Variants in VPS13C observed in about 807,000 individuals in gnomAD.
The protein encoded by VPS13C is intermembrane lipid transfer protein VPS13C.
Under a neutral mutation model 456.8 loss-of-function variants are expected in VPS13C, and 358 were observed. That is an observed-to-expected ratio of 0.78 (90% confidence interval 0.72 to 0.86). The LOEUF is 0.86. Ranked by LOEUF, VPS13C falls within the 40% of genes least tolerant of loss-of-function variation. VPS13C has a pLI of 0.00. For missense variants in VPS13C, 4,818 were observed against 4,385.4 expected, an observed-to-expected ratio of 1.10 and a Z score of -2.79; for synonymous variants, 1,578 against 1,486.7, an observed-to-expected ratio of 1.06 and a Z score of -1.41.
Position 61,918,164 on chromosome 15 carries a change from C to G in VPS13C, c.7732G>C (p.Glu2578Gln). The change falls in exon 59 of 85, where the codon GAG (glutamate) becomes CAG (glutamine). Residue 2578 changes from glutamate to glutamine, a missense_variant. Around this residue, in one of 3 missense-constraint regions of VPS13C, gnomAD observed 4,552 missense variants for 4,130.6 expected, o/e 1.10. Transcript: ENST00000644861. ...TATGAATCTAAAGGAACATGGAACTCCTCTTCAGGTCTGGCTATCCCAATG... is the reference window on the plus strand; with the variant it reads ...TATGAATCTAAAGGAACATGGAACTGCTCTTCAGGTCTGGCTATCCCAATG... ...ERIGIARPEE[E>Q]FHVPLDSYRC... The G allele has an allele frequency of 6.3e-7, 1 of 1,597,158 alleles. No homozygotes were observed. Among genetic ancestry groups the G allele is most frequent in the Non-Finnish European group, 8.5e-7 (1 of 1,174,386 alleles).
At chr15:61,945,265 C>G (rs2044565186) in intron 45 of VPS13C, among the ~76,000 whole-genome samples, 1 of 152,136 alleles carries the variant, frequency 6.6e-6, no homozygotes, top group Non-Finnish European at 1.5e-5. Flanking sequence ...GACTAATACA[C>G]CATGACAGTT....
At chr15:62,010,343 T>G in intron 13 of VPS13C, 129 bp downstream of exon 13, 1 of 1,032,044 alleles carries the variant, frequency 9.7e-7, no homozygotes, top group East Asian at 3.0e-5. Flanking sequence ...AAACAAAAAT[T>G]TTTAAACAGT....
chr15:61,896,793 G>C (rs1188056476), intron 66 of VPS13C, among the ~76,000 whole-genome samples: 1 of 152,098 alleles, frequency 6.6e-6, no homozygotes, highest in Non-Finnish European at 1.5e-5. Flanking sequence ...TCCACCTCTG[G>C]GGGCAGGGCA....
At chr15:62,059,994 G>C (rs2048941947) in intron 1 of VPS13C, among the ~76,000 whole-genome samples, 1 of 152,236 alleles carries the variant, frequency 6.6e-6, no homozygotes, top group African/African-American at 2.4e-5. Context: ...CACAGAAACG[G>C]GCAGGGCGGG....
intron 46 of VPS13C, among the ~76,000 whole-genome samples, 181 bp from the exon 47 acceptor site, chr15:61,940,975 T>C (rs536785857): frequency 6.6e-6 from 1 of 152,340 alleles, no homozygotes; most frequent in South Asian, 2.1e-4. Flanking sequence ...CACATAAGTT[T>C]ATATGCAGAG....
At chr15:62,032,406 G>A (rs2047849672) in intron 5 of VPS13C, among the ~76,000 whole-genome samples, 1 of 151,698 alleles carries the variant, frequency 6.6e-6, no homozygotes. Flanking sequence ...GTGAAAATAA[G>A]AGAAAAAATG....
intron 42 of VPS13C, 112 bp from the exon 43 acceptor site, chr15:61,947,421 A>C: frequency 1.5e-6 from 1 of 678,196 alleles, no homozygotes; most frequent in Non-Finnish European, 2.5e-6. Flanking sequence ...AGGAACCAAA[A>C]TGCCCTCCAT....
At chr15:62,054,572 G>C (rs2048727209) in intron 1 of VPS13C, among the ~76,000 whole-genome samples, 1 of 152,106 alleles carries the variant, frequency 6.6e-6, no homozygotes, top group Admixed American at 6.5e-5. Context: ...GGCCTGTCAG[G>C]AGGTGGGAGG....
rs576218779 is a variant in VPS13C, at chr15:61,890,656, C to A, written c.9106-256G>T. ...ATTACCTACTGAGTGCTGAAGGGCA[C>A]AGAGCAGGATTCAAGAGGATCCTTT... is the stretch of plus-strand genomic sequence containing the variant. On this transcript the variant is annotated intron_variant, in intron 66 of 84. Transcript: ENST00000644861. 2.0e-5 allele frequency among the ~76,000 whole-genome samples: 3 copies of A among 152,240 alleles called. No individual in the cohort carries two copies. The South Asian group carries it at 6.2e-4, about 32-fold the overall frequency.
intron 53 of VPS13C, among the ~76,000 whole-genome samples, chr15:61,924,045 T>A (rs1393410592): frequency 6.6e-6 from 1 of 151,112 alleles, no homozygotes; most frequent in African/African-American, 2.4e-5. Flanking sequence ...TTTTGTATTT[T>A]TTAGTAGAGA....
chr15:62,021,902 TC>T (rs2047475818), intron 8 of VPS13C, among the ~76,000 whole-genome samples: 1 of 151,932 alleles, frequency 6.6e-6, no homozygotes, highest in Admixed American at 6.6e-5. Context: ...ACAGCTATTA[TC>T]CAGTGAGCAT....
At chr15:62,005,561 C>T (rs866828471) in intron 15 of VPS13C, among the ~76,000 whole-genome samples, 1,576 of 150,984 alleles carry the variant, frequency 0.01, 28 homozygotes, top group African/African-American at 0.037. Flanking sequence ...CCTGTCATTA[C>T]GATGTTAGCT....
At chr15:61,983,320 G>A (rs958246320) in intron 20 of VPS13C, among the ~76,000 whole-genome samples, 5 of 152,048 alleles carry the variant, frequency 3.3e-5, no homozygotes, top group African/African-American at 1.2e-4. Flanking sequence ...TTGAGATGAT[G>A]GATAAGATAG....
chr15:62,060,083 T>TC (rs1366204482), intron 1 of VPS13C, among the ~76,000 whole-genome samples, 192 bp downstream of exon 1: 1 of 151,920 alleles, frequency 6.6e-6, no homozygotes, highest in African/African-American at 2.4e-5. Context: ...CCGCCGCATC[T>TC]CCCCAGCCGG....
chr15:61,957,233 A>G (rs769036749), intron 37 of VPS13C, among the ~76,000 whole-genome samples: 7 of 152,174 alleles, frequency 4.6e-5, no homozygotes, highest in Admixed American at 2.6e-4. Flanking sequence ...CATGTACACG[A>G]AATTCAAGAA....
rs117238086 is a variant in VPS13C, at chr15:61,915,067, C to T, written c.8445+566G>A. ...AAGGATGAACAGCAGATATCAGGAA[C>T]GATGAAGAAGACAGAAAAAAAACAG... On this transcript the variant is annotated intron_variant, in intron 61 of 84. Transcript: ENST00000644861. Among the ~76,000 whole-genome samples, 8 of 151,566 alleles carry T rather than the reference C, an allele frequency of 5.3e-5. No individual in the cohort carries two copies. In the East Asian group the frequency reaches 5.8e-4, roughly 11 times the overall value.
Position 61,868,913 on chromosome 15 carries a change from T to G in VPS13C, c.10749-140A>C. ...CTTTCCCCAAATAATGCAAAAGTAT[T>G]AAAACCAAGTCTGTCTGACTCCAAA... is the stretch of plus-strand genomic sequence containing the variant. On this transcript the variant is annotated intron_variant, in intron 80 of 84. Transcript: ENST00000644861. 4 of 694,882 alleles carry G rather than the reference T, an allele frequency of 5.8e-6. No individual in the cohort carries two copies. In the South Asian group the frequency reaches 8.1e-5, roughly 14 times the overall value. The allele number at this position is 694,882 out of a possible 1,614,324, so 43.0% of individuals were successfully genotyped here.
intron 67 of VPS13C, among the ~76,000 whole-genome samples, chr15:61,885,034 C>G (rs915471472): frequency 6.6e-6 from 1 of 152,066 alleles, no homozygotes; most frequent in Admixed American, 6.6e-5. Flanking sequence ...TTTCCTTACA[C>G]CTGCACTGAG....
At position 61,950,693 on chromosome 15, in the gene VPS13C, A is replaced by G. The variant is rs574305552; in HGVS notation, c.4536+252T>C. On this transcript the variant is annotated intron_variant, in intron 40 of 84. Coordinates refer to ENST00000644861, the MANE Select transcript of VPS13C (RefSeq NM_020821.3). ...GGTACACTAATCTAAAAAGTAGGAA[A>G]AAGTGCTAGATTATAACACACTTTG... Among the ~76,000 whole-genome samples, 22 of 152,148 alleles carry G rather than the reference A, an allele frequency of 1.4e-4. No individual in the cohort carries two copies. In the South Asian group the frequency reaches 4.1e-3, roughly 29 times the overall value.
Sources: allele counts gnomAD v4.1 joint callset (sites outside exome capture counted in the v4.1 genomes callset), GRCh38; gene constraint gnomAD v4.1.1; regional missense constraint gnomAD v4.1.1; transcripts MANE v1.5; gene names NCBI Gene and HGNC (gene_info 2026-07-23, HGNC 2026-07-21).